DGKB: variants seen among roughly 807,000 people sequenced by gnomAD.
DGKB encodes diacylglycerol kinase beta.
In DGKB, 67 loss-of-function variants were observed where a neutral mutation model predicts 114.3. That is an observed-to-expected ratio of 0.59 (90% CI 0.48 to 0.72). The LOEUF (loss-of-function observed/expected upper bound fraction) is 0.72, where lower values mean the gene tolerates loss of function less well. Among genes scored for constraint, DGKB ranks in the 30% least tolerant of loss-of-function variants. DGKB has a pLI of 0.00. For synonymous variants in DGKB, 398 were observed against 323.1 expected (o/e 1.23, Z -2.49); for missense variants, 907 against 975.2 (o/e 0.93, Z 0.93).
intron 25 of DGKB, among the ~76,000 whole-genome samples, chr7:14,152,535 T>C (rs1782374325): frequency 6.6e-6 from 1 of 152,052 alleles, no homozygotes; most frequent in African/African-American, 2.4e-5. Context: ...CTCCTTATCA[T>C]GTACCCTTCT....
intron 21 of DGKB, among the ~76,000 whole-genome samples, chr7:14,424,652 T>C (rs926701787): frequency 6.6e-6 from 1 of 152,094 alleles, no homozygotes; most frequent in Non-Finnish European, 1.5e-5. Context: ...ACTAAAGGTA[T>C]GGTTAAGCTT....
chr7:14,238,317 C>G (rs925623666), intron 23 of DGKB, among the ~76,000 whole-genome samples: 5 of 151,986 alleles, frequency 3.3e-5, no homozygotes, highest in African/African-American at 1.2e-4. Context: ...TTCATTCTCT[C>G]TCTTTCTTGC....
At chr7:14,918,428 T>C (rs1161204286) in intron 1 of DGKB, among the ~76,000 whole-genome samples, 1 of 152,118 alleles carries the variant, frequency 6.6e-6, no homozygotes, top group Non-Finnish European at 1.5e-5. Flanking sequence ...ACAAAGGTAA[T>C]ACATAAAATT....
At chr7:14,552,192 C>T (rs1056630891) in intron 20 of DGKB, among the ~76,000 whole-genome samples, 6 of 152,046 alleles carry the variant, frequency 3.9e-5, no homozygotes, top group African/African-American at 1.4e-4. Context: ...AATGTTTTAC[C>T]TCCAATATAC....
chr7:14,350,394 A>G (rs1813232557), intron 21 of DGKB, among the ~76,000 whole-genome samples: 1 of 152,060 alleles, frequency 6.6e-6, no homozygotes, highest in Non-Finnish European at 1.5e-5. Context: ...AGTAAACATA[A>G]AACAAAACAA....
chr7:14,203,994 C>T (rs2128293382), intron 23 of DGKB, among the ~76,000 whole-genome samples: 1 of 152,000 alleles, frequency 6.6e-6, no homozygotes, highest in South Asian at 2.1e-4. Flanking sequence ...GAATTAATTG[C>T]AGGATATTTC....
chr7:14,575,697 C>T (rs1024547095), intron 19 of DGKB, among the ~76,000 whole-genome samples: 13 of 152,174 alleles, frequency 8.5e-5, no homozygotes, highest in African/African-American at 2.9e-4. Flanking sequence ...TCTCTCTTTT[C>T]ACCCACACAA....
chr7:14,193,523 C>T (rs907196137), intron 23 of DGKB, among the ~76,000 whole-genome samples: 3 of 152,124 alleles, frequency 2.0e-5, no homozygotes, highest in East Asian at 1.9e-4. Flanking sequence ...GACCCTGACT[C>T]ATGTTATGTA....
intron 5 of DGKB, among the ~76,000 whole-genome samples, chr7:14,720,646 T>C (rs1395230780): frequency 6.6e-6 from 1 of 152,088 alleles, no homozygotes; most frequent in Non-Finnish European, 1.5e-5. Context: ...CCCGGCCCCT[T>C]TCTTTTTAAA....
chr7:14,914,731 A>T (rs1309345028), intron 1 of DGKB, among the ~76,000 whole-genome samples: 1 of 152,148 alleles, frequency 6.6e-6, no homozygotes, highest in East Asian at 1.9e-4. Flanking sequence ...AACTAGGATT[A>T]ATATGTTAAA....
intron 2 of DGKB, among the ~76,000 whole-genome samples, chr7:14,805,998 G>T (rs4719421): frequency 0.4 from 60,516 of 150,994 alleles, 13,720 homozygotes; most frequent in African/African-American, 0.62. Context: ...ATAATTTCAC[G>T]AATATTTATA....
chr7:14,820,601 A>G (rs1054784241), intron 2 of DGKB, among the ~76,000 whole-genome samples: 8 of 152,214 alleles, frequency 5.3e-5, no homozygotes, highest in African/African-American at 1.9e-4. Context: ...GCAAACTTCA[A>G]ACTATTTCAA....
intron 1 of DGKB, among the ~76,000 whole-genome samples, chr7:14,845,957 G>T (rs2128147570): frequency 1.3e-5 from 2 of 152,180 alleles, no homozygotes; most frequent in South Asian, 4.2e-4. Flanking sequence ...CATTCCCAAG[G>T]GATGCCTTGT....
chr7:14,647,439 T>C (rs1461587099), intron 13 of DGKB, among the ~76,000 whole-genome samples: 1 of 152,118 alleles, frequency 6.6e-6, no homozygotes, highest in Non-Finnish European at 1.5e-5. Context: ...TTTAAATTAC[T>C]CCAAAAACAA....
At chr7:14,772,722 T>C (rs1837599770) in intron 2 of DGKB, among the ~76,000 whole-genome samples, 1 of 152,166 alleles carries the variant, frequency 6.6e-6, no homozygotes, top group South Asian at 2.1e-4. Context: ...CCTCCCATTG[T>C]TGCTGTCTAT....
intron 2 of DGKB, among the ~76,000 whole-genome samples, chr7:14,805,713 T>C (rs1316318320): frequency 6.6e-6 from 1 of 151,848 alleles, no homozygotes; most frequent in Non-Finnish European, 1.5e-5. Flanking sequence ...ACATAGTAAA[T>C]GTTTATAATA....
chr7:14,231,951 G>A (rs1051741241), intron 23 of DGKB, among the ~76,000 whole-genome samples: 2 of 151,984 alleles, frequency 1.3e-5, no homozygotes, highest in African/African-American at 4.8e-5. Context: ...CTCATTCGGT[G>A]GGTTTGAGAG....
intron 8 of DGKB, among the ~76,000 whole-genome samples, 155 bp from the exon 9 acceptor site, chr7:14,694,349 C>T (rs768447295): frequency 7.2e-5 from 11 of 152,150 alleles, no homozygotes; most frequent in Admixed American, 2.0e-4. Flanking sequence ...TGATGAAGAG[C>T]GACTTTGTTA....
chr7:14,382,653 A>T (rs1819673421), intron 21 of DGKB, among the ~76,000 whole-genome samples: 1 of 152,216 alleles, frequency 6.6e-6, no homozygotes, highest in Non-Finnish European at 1.5e-5. Flanking sequence ...ACATTTGGAG[A>T]ACCCAATAGG....
Sources: allele counts gnomAD v4.1 joint callset (sites outside exome capture counted in the v4.1 genomes callset), GRCh38; gene constraint gnomAD v4.1.1; transcripts MANE v1.5; gene names NCBI Gene and HGNC (gene_info 2026-07-23, HGNC 2026-07-21).